Variants in ANKS1B observed in about 807,000 individuals in gnomAD.
The protein encoded by ANKS1B is ankyrin repeat and sterile alpha motif domain-containing protein 1B.
A neutral mutation model predicts 148.3 loss-of-function variants in ANKS1B; 36 were observed. The ratio of observed to expected loss-of-function variants is 0.24; its 90% CI spans 0.19 to 0.32. ANKS1B has a LOEUF of 0.32. Ranked by LOEUF, ANKS1B falls within the 10% of genes least tolerant of loss-of-function variation. The pLI is 1.00. For synonymous variants in ANKS1B, 542 were observed against 560.8 expected (o/e 0.97, Z 0.47); for missense variants, 1,157 against 1,542.6 (o/e 0.75, Z 4.19).
At chr12:99,301,844 C>T (rs948960787) in intron 12 of ANKS1B, among the ~76,000 whole-genome samples, 2 of 151,946 alleles carry the variant, frequency 1.3e-5, no homozygotes, top group East Asian at 1.9e-4. Flanking sequence ...CATAAAGCAA[C>T]GGTAAGGCAT....
At chr12:99,453,645 C>T (rs2095797092) in intron 10 of ANKS1B, among the ~76,000 whole-genome samples, 3 of 152,170 alleles carry the variant, frequency 2.0e-5, no homozygotes. Flanking sequence ...CCCGCTAAGT[C>T]CCTCCTAGTT....
intron 9 of ANKS1B, chr12:99,649,216 G>A: frequency 1.7e-6 from 2 of 1,179,036 alleles, no homozygotes; most frequent in Non-Finnish European, 2.5e-6. Context: ...ATTTCTTTTT[G>A]TTGTTTACCT....
intron 9 of ANKS1B, among the ~76,000 whole-genome samples, chr12:99,597,367 T>C (rs1296945900): frequency 6.6e-6 from 1 of 151,974 alleles, no homozygotes. Flanking sequence ...TTTTCCCTTA[T>C]GAATGAAGAA....
At chr12:99,299,507 G>A (rs75936809) in intron 12 of ANKS1B, among the ~76,000 whole-genome samples, 3,586 of 152,198 alleles carry the variant, frequency 0.024, 69 homozygotes, top group South Asian at 0.036. Flanking sequence ...CTCTTGAACT[G>A]TAATAAAAAT....
intron 25 of ANKS1B, among the ~76,000 whole-genome samples, chr12:98,770,793 A>T (rs2098555512): frequency 6.6e-6 from 1 of 152,194 alleles, no homozygotes; most frequent in South Asian, 2.1e-4. Context: ...ATAGGTGTTC[A>T]TCAGAACTGG....
At chr12:98,816,674 T>A (rs987726256) in intron 19 of ANKS1B, among the ~76,000 whole-genome samples, 9 of 152,196 alleles carry the variant, frequency 5.9e-5, no homozygotes, top group Admixed American at 5.2e-4. Flanking sequence ...GCAAAAGTAG[T>A]TACTGGTCAT....
intron 8 of ANKS1B, among the ~76,000 whole-genome samples, chr12:99,695,074 T>TG (rs56201305): frequency 0.14 from 21,070 of 151,986 alleles, 2,044 homozygotes; most frequent in Non-Finnish European, 0.2. Context: ...TATCTCAAAG[T>TG]GGGGGGGAAA....
intron 10 of ANKS1B, among the ~76,000 whole-genome samples, chr12:99,444,835 G>C (rs1265132711): frequency 6.6e-6 from 1 of 151,926 alleles, no homozygotes; most frequent in Non-Finnish European, 1.5e-5. Flanking sequence ...TTATAGACCA[G>C]GAAGTTTCTC....
chr12:98,879,618 T>C (rs1339662340), intron 17 of ANKS1B, among the ~76,000 whole-genome samples: 2 of 152,192 alleles, frequency 1.3e-5, no homozygotes, highest in African/African-American at 4.8e-5. Context: ...CCAATATCAA[T>C]TCCTATTCCT....
intron 17 of ANKS1B, among the ~76,000 whole-genome samples, chr12:98,910,431 T>A (rs2099785173): frequency 6.6e-6 from 1 of 152,186 alleles, no homozygotes; most frequent in Non-Finnish European, 1.5e-5. Flanking sequence ...GGGGGATATT[T>A]AGCTTGTTGG....
At chr12:99,593,347 T>C (rs2097723355) in intron 9 of ANKS1B, among the ~76,000 whole-genome samples, 1 of 152,092 alleles carries the variant, frequency 6.6e-6, no homozygotes, top group African/African-American at 2.4e-5. Flanking sequence ...CAAATACAGA[T>C]GACTGCAGTC....
At chr12:99,854,056 G>A (rs1447356395) in intron 1 of ANKS1B, among the ~76,000 whole-genome samples, 2 of 152,220 alleles carry the variant, frequency 1.3e-5, no homozygotes, top group Admixed American at 1.3e-4. Context: ...TGTCGCCCAG[G>A]ATGGTGTGCA....
intron 1 of ANKS1B, among the ~76,000 whole-genome samples, chr12:99,904,691 A>G (rs2093720163): frequency 6.6e-6 from 1 of 152,204 alleles, no homozygotes; most frequent in African/African-American, 2.4e-5. Flanking sequence ...GCATCTGCAA[A>G]CAAGAATCAA....
At chr12:99,769,983 C>T (rs2063036905) in intron 8 of ANKS1B, among the ~76,000 whole-genome samples, 1 of 152,194 alleles carries the variant, frequency 6.6e-6, no homozygotes. Flanking sequence ...TCTCTCCCTA[C>T]CTCCACAAAG....
Position 99,723,594 on chromosome 12 carries a change from T to G in ANKS1B, c.1128+49328A>C, listed in dbSNP as rs116456696. Among the ~76,000 whole-genome samples the G allele has an allele frequency of 3.6e-3, 543 of 152,254 alleles. 4 individuals carry two copies. Among genetic ancestry groups the G allele is most frequent in the African/African-American group, 0.012 (513 of 41,546 alleles). On this transcript the variant is annotated intron_variant, in intron 8 of 26. Coordinates refer to ENST00000683438, the MANE Select transcript of ANKS1B (RefSeq NM_001352186.2). ...TTCTGAGAAATCTGGGCAGCCCAGA[T>G]GAGTGGGTTTCCCCTCAGCAAAGCA...
exon 10 of ANKS1B, chr12:98,735,183 G>A (rs1440884193): frequency 2.5e-6 from 1 of 398,798 alleles, no homozygotes; most frequent in African/African-American, 2.1e-5. Context: ...TCGGTCAAGA[G>A]GAGGATTTTG....
At chr12:99,378,618 C>T (rs1050461030) in intron 12 of ANKS1B, among the ~76,000 whole-genome samples, 2 of 141,438 alleles carry the variant, frequency 1.4e-5, no homozygotes, top group African/African-American at 5.3e-5. Flanking sequence ...TCACGCACTG[C>T]ACTCCAGCCT....
At chr12:99,307,532 A>G (rs2082524064) in intron 12 of ANKS1B, among the ~76,000 whole-genome samples, 1 of 152,084 alleles carries the variant, frequency 6.6e-6, no homozygotes. Context: ...GGACAAAGAA[A>G]AAGATTATAA....
At chr12:99,740,565 A>G (rs2060001159) in intron 8 of ANKS1B, among the ~76,000 whole-genome samples, 1 of 152,194 alleles carries the variant, frequency 6.6e-6, no homozygotes, top group African/African-American at 2.4e-5. Context: ...ATAGTATCCC[A>G]TAACATCAAG....
Sources: allele counts gnomAD v4.1 joint callset (sites outside exome capture counted in the v4.1 genomes callset), GRCh38; gene constraint gnomAD v4.1.1; transcripts MANE v1.5; gene names NCBI Gene and HGNC (gene_info 2026-07-23, HGNC 2026-07-21).